Variants in FNDC1 observed in about 807,000 individuals in gnomAD.
The protein encoded by FNDC1 is fibronectin type III domain-containing protein 1.
FNDC1 carries 96 observed loss-of-function variants against 168.0 expected under a neutral mutation model. The ratio of observed to expected loss-of-function variants is 0.57; its 90% CI spans 0.48 to 0.68. The LOEUF is 0.68. Among genes scored for constraint, FNDC1 ranks in the 30% least tolerant of loss-of-function variants. The pLI is 0.00. For synonymous variants in FNDC1, 1,099 were observed against 1,025.9 expected (o/e 1.07, Z -1.36); for missense variants, 2,587 against 2,482.1 (o/e 1.04, Z -0.90).
intron 4 of FNDC1, among the ~76,000 whole-genome samples, chr6:159,202,694 G>T (rs1408123014): frequency 6.6e-6 from 1 of 152,180 alleles, no homozygotes; most frequent in Non-Finnish European, 1.5e-5. Context: ...TATCTCAACT[G>T]AATTGTCTTT....
At chr6:159,266,586 A>C (rs1028765877) in intron 21 of FNDC1, among the ~76,000 whole-genome samples, 3 of 152,178 alleles carry the variant, frequency 2.0e-5, no homozygotes, top group Admixed American at 6.5e-5. Flanking sequence ...TCTACTAAAA[A>C]GAAATAAAAA....
intron 19 of FNDC1, 78 bp from the exon 20 acceptor site, chr6:159,264,897 C>G (rs1777558020): frequency 1.7e-6 from 2 of 1,202,988 alleles, no homozygotes; most frequent in African/African-American, 3.1e-5. Flanking sequence ...TTAGCTATTT[C>G]AGTTACACTA....
At chr6:159,268,723 C>CATCCATCT (rs140840086) in intron 22 of FNDC1, among the ~76,000 whole-genome samples, 1 of 149,706 alleles carries the variant, frequency 6.7e-6, no homozygotes, top group Non-Finnish European at 1.5e-5. Flanking sequence ...TTTATGCATC[C>CATCCATCT]ATCTATCTAT....
At position 159,266,262 on chromosome 6, in the gene FNDC1, G is replaced by A. The variant is rs1459031514; in HGVS notation, c.5446+17G>A. 4 of 1,613,408 alleles carry A rather than the reference G, an allele frequency of 2.5e-6. No individual in the cohort carries two copies. The African/African-American group carries it at 5.3e-5, about 22-fold the overall frequency. The stretch of plus-strand genomic sequence containing the variant: ...ACCTGAAAGGTAAGTCTTTGTGCAT[G>A]GTTGGCTATGGGAGGTATGGAACAT... On this transcript the variant is annotated intron_variant, in intron 21 of 22. Coordinates refer to ENST00000297267, the MANE Select transcript of FNDC1 (RefSeq NM_032532.3).
chr6:159,271,453 G>A lies in FNDC1; in HGVS notation c.*11G>A, dbSNP rs749010618. On this transcript the variant is annotated 3_prime_UTR_variant, in exon 23 of 23. Coordinates refer to ENST00000297267, the MANE Select transcript of FNDC1 (RefSeq NM_032532.3). ...CCTGGAAAGTGGTAATCACAGGACC[G>A]TCATGCTGCAAGCTTGCCCTGCCCA... 3.2e-5 allele frequency: 51 copies of A among 1,587,102 alleles called. No individual in the cohort carries two copies. Among genetic ancestry groups the A allele is most frequent in the Middle Eastern group, 1.7e-4 (1 of 6,042 alleles).
At chr6:159,182,478 A>G (rs1427310205) in intron 1 of FNDC1, among the ~76,000 whole-genome samples, 1 of 152,198 alleles carries the variant, frequency 6.6e-6, no homozygotes, top group Non-Finnish European at 1.5e-5. Flanking sequence ...TTTGAATTCC[A>G]TTAATGCCAT....
intron 12 of FNDC1, among the ~76,000 whole-genome samples, chr6:159,238,333 C>T (rs932418819): frequency 1.3e-5 from 2 of 152,168 alleles, no homozygotes; most frequent in Non-Finnish European, 2.9e-5. Flanking sequence ...GATCTGCCCG[C>T]TTCGGCCTCC....
At position 159,215,047 on chromosome 6, in the gene FNDC1, C is replaced by G; in HGVS notation, c.563C>G (p.Pro188Arg). Residue 188 changes from proline to arginine, a missense_variant, in exon 5 of 23, where the codon CCA becomes CGA. Pro to Arg is a moderately radical substitution (Grantham distance 103, BLOSUM62 -2). Coordinates refer to ENST00000297267, the MANE Select transcript of FNDC1 (RefSeq NM_032532.3). ...CCACGCCTGTCTGGAGCCAAGAGTC[C>G]ACGCAGATCACGGGGTTTTCTCCTG... ...KAPRLSGAKS[P>R]RRSRGFLLGY... The G allele has an allele frequency of 6.2e-7, 1 of 1,614,016 alleles. No homozygotes were observed. The highest frequency in any genetic ancestry group is 8.5e-7 in the Non-Finnish European group (1 of 1,179,888).
intron 21 of FNDC1, 98 bp from the exon 22 acceptor site, chr6:159,267,706 C>T: frequency 7.0e-6 from 9 of 1,288,572 alleles, no homozygotes; most frequent in Non-Finnish European, 9.8e-6. Context: ...AAGTAATATG[C>T]TGAATTCAAA....
At chr6:159,183,108 T>C (rs1221292383) in intron 1 of FNDC1, among the ~76,000 whole-genome samples, 1 of 152,232 alleles carries the variant, frequency 6.6e-6, no homozygotes, top group Non-Finnish European at 1.5e-5. Context: ...GTGGAGTGTT[T>C]TATGATTTTC....
At chr6:159,237,542 T>C (rs745449982) in intron 12 of FNDC1, among the ~76,000 whole-genome samples, 16 of 152,244 alleles carry the variant, frequency 1.1e-4, no homozygotes, top group Non-Finnish European at 1.9e-4. Context: ...ATGCATACTA[T>C]ATTAGGCAAC....
chr6:159,204,178 G>C (rs1384099143), intron 4 of FNDC1, among the ~76,000 whole-genome samples: 2 of 152,156 alleles, frequency 1.3e-5, no homozygotes, highest in Non-Finnish European at 2.9e-5. Flanking sequence ...AGACGATGCT[G>C]CGTGACAATC....
intron 1 of FNDC1, among the ~76,000 whole-genome samples, chr6:159,189,651 C>T (rs866875006): frequency 6.6e-6 from 1 of 152,200 alleles, no homozygotes; most frequent in South Asian, 2.1e-4. Context: ...CTCACCCCTC[C>T]TGGGCGTTGG....
At chr6:159,256,184 A>G (rs915894081) in intron 17 of FNDC1, among the ~76,000 whole-genome samples, 8 of 152,150 alleles carry the variant, frequency 5.3e-5, no homozygotes, top group Non-Finnish European at 5.9e-5. Flanking sequence ...ACATGTGTGG[A>G]GGGCACTGCT....
At position 159,169,556 on chromosome 6, in the gene FNDC1, C is replaced by A. The variant is rs1257056952; in HGVS notation, c.-41C>A. Reference sequence around the variant, plus strand: ...CCAGACTCCGGCCAGCGCCCCCCTGCCAGCCGCAAGCACCCAGCCCCGGCC... The same window carrying A: ...CCAGACTCCGGCCAGCGCCCCCCTGACAGCCGCAAGCACCCAGCCCCGGCC... On this transcript the variant is annotated 5_prime_UTR_variant, in exon 1 of 23. Transcript: ENST00000297267. This position sits in a 1 kb window ranked among gnomAD's most constrained non-coding sequence, Gnocchi z 6.8. The A allele has an allele frequency of 4.3e-5, 31 of 727,714 alleles. No homozygotes were observed. The highest frequency in any genetic ancestry group is 1.1e-3 in the Middle Eastern group (2 of 1,792). 45.1% of individuals were successfully genotyped at this position (727,714 alleles called of 1,614,324 possible).
intron 4 of FNDC1, among the ~76,000 whole-genome samples, chr6:159,211,059 C>G (rs775121650): frequency 2.8e-4 from 42 of 152,170 alleles, no homozygotes; most frequent in Admixed American, 1.5e-3. Context: ...CCCTGACCCC[C>G]ACCCCCGGCG....
chr6:159,223,688 G>T (rs752662746), intron 7 of FNDC1, 43 bp downstream of exon 7: 11 of 1,222,174 alleles, frequency 9.0e-6, no homozygotes, highest in East Asian at 4.7e-5. Flanking sequence ...GAGAGATGGG[G>T]TTTTTCTGGC....
rs1051629817 is a variant in FNDC1 at position 159,269,487 on chromosome 6, T to C, written c.5569+1561T>C. 6.4e-3 allele frequency among the ~76,000 whole-genome samples: 603 copies of C among 93,662 alleles called. 2 individuals are homozygous for C. The highest frequency in any genetic ancestry group is 0.025 in the African/African-American group (523 of 20,898). 61.4% of individuals were successfully genotyped at this position (93,662 alleles called of 152,430 possible). On this transcript the variant is annotated intron_variant, in intron 22 of 22. Coordinates refer to ENST00000297267, the MANE Select transcript of FNDC1 (RefSeq NM_032532.3). ...CTATCTATCTATCTATCTATCTATCTATCTATCTATCTATCCATCCATCCA... is the reference window on the plus strand; with the variant it reads ...CTATCTATCTATCTATCTATCTATCCATCTATCTATCTATCCATCCATCCA...
At chr6:159,212,939 C>T (rs1286819464) in intron 4 of FNDC1, among the ~76,000 whole-genome samples, 1 of 152,220 alleles carries the variant, frequency 6.6e-6, no homozygotes, top group African/African-American at 2.4e-5. Flanking sequence ...TGGCCCTAAA[C>T]AGCTATGTGA....
Sources: gnomAD v4.1 joint callset for allele counts (sites outside exome capture counted in the v4.1 genomes callset) on GRCh38, gnomAD v4.1.1 for gene constraint, Gnocchi (gnomAD v3.1) non-coding constraint, MANE v1.5 for transcripts, NCBI Gene and HGNC (gene_info 2026-07-23, HGNC 2026-07-21) for gene names.